ANKRD42: variants seen among roughly 807,000 people sequenced by gnomAD.
The protein encoded by ANKRD42 is ankyrin repeat domain-containing protein 42.
A neutral mutation model predicts 51.5 loss-of-function variants in ANKRD42; 43 were observed. That is an observed-to-expected ratio of 0.83 (90% CI 0.65 to 1.08). The LOEUF (loss-of-function observed/expected upper bound fraction) is 1.08, where lower values mean the gene tolerates loss of function less well. Ranked by LOEUF, ANKRD42 falls within the 50% of genes least tolerant of loss-of-function variation. ANKRD42 has a pLI of 0.00. For synonymous variants in ANKRD42, 203 were observed against 213.0 expected (o/e 0.95, Z 0.41); for missense variants, 608 against 629.3 (o/e 0.97, Z 0.36).
At chr11:83,235,641 T>C (rs1478989136) in intron 7 of ANKRD42, among the ~76,000 whole-genome samples, 4 of 152,274 alleles carry the variant, frequency 2.6e-5, no homozygotes, top group Non-Finnish European at 5.9e-5. Flanking sequence ...TATTGTTTAA[T>C]AGACCTAAAC....
intron 5 of ANKRD42, among the ~76,000 whole-genome samples, chr11:83,218,535 C>T (rs12225692): frequency 0.09 from 13,647 of 152,170 alleles, 800 homozygotes; most frequent in African/African-American, 0.15. Flanking sequence ...AGGGATCATC[C>T]GAGAATTTCC....
At chr11:83,256,126 C>T (rs569489916), downstream of ANKRD42, 12 of 382,448 alleles carry the variant, frequency 3.1e-5, no homozygotes, top group East Asian at 1.3e-4. Flanking sequence ...CACCTTCTCC[C>T]GATATTCTTC....
In ANKRD42 at chr11:83,194,257, A is replaced by G; in HGVS notation, c.-414A>G. 2.1e-6 allele frequency: 1 copy of G among 467,954 alleles called. No homozygotes were observed. The highest frequency in any genetic ancestry group is 1.5e-5 in the South Asian group (1 of 64,650). The allele number at this position is 467,954 out of a possible 1,614,324, so 29.0% of individuals were successfully genotyped here. ...CCTCAGTGGTCCTTGGGAGGGAGTC[A>G]GTGACATTCGGGACCCGCGAACTAG... is the stretch of plus-strand genomic sequence containing the variant. On this transcript the variant is annotated 5_prime_UTR_variant, in exon 1 of 11. Transcript: ENST00000533342.
Position 83,240,748 on chromosome 11 carries a change from C to G in ANKRD42, c.1020-11C>G, listed in dbSNP as rs761706678. The stretch of plus-strand genomic sequence containing the variant: ...TTGTGGATCTGGTTAGTTATTGATT[C>G]TTTTCTACAGGTTTGCCCATTTGGC... On this transcript the variant is annotated splice_polypyrimidine_tract_variant and intron_variant, in intron 8 of 10. Coordinates refer to ENST00000533342, the MANE Select transcript of ANKRD42 (RefSeq NM_001300975.2). The G allele has an allele frequency of 1.9e-6, 3 of 1,613,234 alleles. No homozygotes were observed. Among genetic ancestry groups the G allele is most frequent in the Non-Finnish European group, 1.7e-6 (2 of 1,179,802 alleles).
intron 6 of ANKRD42, 51 bp from the exon 7 acceptor site, chr11:83,227,695 GA>G (rs1239821675): frequency 4.6e-5 from 72 of 1,552,534 alleles, no homozygotes; most frequent in Non-Finnish European, 6.1e-5. Flanking sequence ...TTAAGACAGG[GA>G]AAAGAATAAA....
rs77152954 is a variant in ANKRD42 at position 83,214,376 on chromosome 11, G to A, written c.586+2946G>A. On this transcript the variant is annotated intron_variant, in intron 5 of 10. Coordinates refer to ENST00000533342, the MANE Select transcript of ANKRD42 (RefSeq NM_001300975.2). ...ACTTTTCCGTGTGTAATACAAGGTA[G>A]GGGTCAGTTTTATTTTTGTATTGTC... The A allele has an allele frequency of 8.3e-5, 79 of 955,142 alleles. 2 individuals carry two copies. The East Asian group carries it at 8.8e-3, about 106-fold the overall frequency. 59.2% of individuals were successfully genotyped at this position (955,142 alleles called of 1,614,324 possible).
chr11:83,256,715 T>C (rs1162453726), downstream of ANKRD42, among the ~76,000 whole-genome samples: 1 of 152,216 alleles, frequency 6.6e-6, no homozygotes, highest in East Asian at 1.9e-4. Flanking sequence ...CTTTGGACCC[T>C]TGCATATACT....
chr11:83,217,963 G>A (rs980808405), intron 5 of ANKRD42, among the ~76,000 whole-genome samples: 1 of 152,156 alleles, frequency 6.6e-6, no homozygotes, highest in African/African-American at 2.4e-5. Flanking sequence ...GAACACCGAG[G>A]TTGCCAGGTT....
At chr11:83,213,364 C>T in intron 5 of ANKRD42, 1 of 1,578,010 alleles carries the variant, frequency 6.3e-7, no homozygotes, top group South Asian at 1.1e-5. Context: ...CGGAGTCACA[C>T]CAACCCCAAC....
intron 11 of ANKRD42, chr11:83,255,837 G>C (rs1310001806): frequency 6.6e-7 from 1 of 1,522,666 alleles, no homozygotes; most frequent in Admixed American, 2.1e-5. Flanking sequence ...CTTTTCCTTT[G>C]CTTATAGGAA....
downstream of ANKRD42, chr11:83,260,357 T>C (rs1264480717): frequency 6.6e-6 from 1 of 152,202 alleles, no homozygotes; most frequent in East Asian, 1.9e-4. Context: ...TATACTTTGT[T>C]ACAGTGGACT....
chr11:83,249,138 C>T (rs962951872), downstream of ANKRD42, among the ~76,000 whole-genome samples: 1 of 152,192 alleles, frequency 6.6e-6, no homozygotes, highest in African/African-American at 2.4e-5. Flanking sequence ...ACCCCTCCAC[C>T]TTGTGGCAGG....
intron 10 of ANKRD42, among the ~76,000 whole-genome samples, chr11:83,245,850 G>T (rs1354240966): frequency 2.0e-5 from 3 of 152,204 alleles, no homozygotes; most frequent in Admixed American, 6.5e-5. Context: ...ATACGGTTCA[G>T]TAGTGTTAAG....
Position 83,245,518 on chromosome 11 carries a change from G to T in ANKRD42, c.1216G>T (p.Val406Leu). 2 of 1,536,360 alleles carry T rather than the reference G, an allele frequency of 1.3e-6. No individual in the cohort carries two copies. Among genetic ancestry groups the T allele is most frequent in the Non-Finnish European group, 1.7e-6 (2 of 1,146,956 alleles). ...DARMRAYKKI[V>L]ELRHLLEIAE... is the part of the protein sequence containing the mutation. ...TGCAGTGAGAGCTTACAAGAAAATT[G>T]TAGAATTGAGACACCTCCTGGAAAT... The change falls in exon 10 of 11, where the codon GTA becomes TTA. Residue 406 changes from valine (V) to leucine (L), a missense_variant. Val to Leu is a conservative substitution (Grantham distance 32). Transcript: ENST00000533342.
downstream of ANKRD42, among the ~76,000 whole-genome samples, chr11:83,249,709 AT>A (rs1185763420): frequency 6.6e-6 from 1 of 150,494 alleles, no homozygotes; most frequent in Non-Finnish European, 1.5e-5. Context: ...CTCAGAGTTC[AT>A]TTTTTTTTGC....
intron 5 of ANKRD42, among the ~76,000 whole-genome samples, chr11:83,220,521 A>T (rs1862687942): frequency 6.6e-6 from 1 of 152,166 alleles, no homozygotes; most frequent in Non-Finnish European, 1.5e-5. Flanking sequence ...GACCGCGGTG[A>T]GTCACGGACT....
chr11:83,200,367 C>A (rs1043162155), intron 2 of ANKRD42, among the ~76,000 whole-genome samples: 2 of 152,142 alleles, frequency 1.3e-5, no homozygotes, highest in African/African-American at 4.8e-5. Context: ...GCTCTCTCTC[C>A]TGACTTTTGG....
intron 2 of ANKRD42, among the ~76,000 whole-genome samples, chr11:83,201,350 A>G (rs566811301): frequency 3.8e-4 from 58 of 152,254 alleles, no homozygotes; most frequent in Non-Finnish European, 6.0e-4. Flanking sequence ...TTATGGCTGC[A>G]TGGTATTCCA....
intron 6 of ANKRD42, 72 bp downstream of exon 6, chr11:83,225,127 C>A: frequency 3.8e-6 from 5 of 1,329,802 alleles, no homozygotes; most frequent in Non-Finnish European, 5.2e-6. Flanking sequence ...TGAGTAGAAT[C>A]AATGAAATAG....
Sources: allele counts gnomAD v4.1 joint callset (sites outside exome capture counted in the v4.1 genomes callset), GRCh38; gene constraint gnomAD v4.1.1; transcripts MANE v1.5; gene names NCBI Gene and HGNC (gene_info 2026-07-23, HGNC 2026-07-21).